Variants in CLIC5 observed in about 807,000 individuals in gnomAD.
CLIC5 encodes CLIC family member 5.
In CLIC5, 20 loss-of-function variants were observed where a neutral mutation model predicts 24.7. The ratio of observed to expected loss-of-function variants is 0.81; its 90% confidence interval spans 0.57 to 1.18. The LOEUF (loss-of-function observed/expected upper bound fraction) is 1.18, where lower values mean the gene tolerates loss of function less well. CLIC5 is among the 50% of genes most tolerant of loss of function. The probability of loss-of-function intolerance (pLI) is 0.00; values close to 1 mark genes in which losing one functional copy is unlikely to be tolerated. For synonymous variants in CLIC5, 159 were observed against 135.6 expected (o/e 1.17, Z -1.20); for missense variants, 341 against 326.1 (o/e 1.05, Z -0.35).
intron 2 of CLIC5, among the ~76,000 whole-genome samples, chr6:45,954,603 T>A (rs537449318): frequency 1.3e-5 from 2 of 152,300 alleles, no homozygotes; most frequent in South Asian, 4.1e-4. Context: ...GAAAAGAGTG[T>A]GGCTCCTGGT....
chr6:46,059,559 G>GA (rs1762177392), intron 1 of CLIC5, among the ~76,000 whole-genome samples: 1 of 152,160 alleles, frequency 6.6e-6, no homozygotes, highest in Non-Finnish European at 1.5e-5. Context: ...ACATTCGAGG[G>GA]AGCTCCCTCC....
intron 1 of CLIC5, among the ~76,000 whole-genome samples, chr6:45,957,571 A>T (rs4714895): frequency 3.3e-5 from 5 of 151,778 alleles, no homozygotes; most frequent in African/African-American, 7.3e-5. Context: ...TCCTCTGGTC[A>T]GTGTGCAATC....
intron 1 of CLIC5, among the ~76,000 whole-genome samples, chr6:45,983,882 T>C (rs1352498608): frequency 6.6e-6 from 1 of 152,136 alleles, no homozygotes; most frequent in Non-Finnish European, 1.5e-5. Context: ...TTACTTGACT[T>C]ATTTCTTTAT....
At chr6:46,006,107 T>C in intron 1 of CLIC5, among the ~76,000 whole-genome samples, 1 of 30,760 alleles carries the variant, frequency 3.3e-5, no homozygotes, top group African/African-American at 1.6e-4. Context: ...TATATATATA[T>C]ATATACACAT....
At chr6:46,067,415 C>T (rs796385831) in intron 1 of CLIC5, among the ~76,000 whole-genome samples, 13 of 152,278 alleles carry the variant, frequency 8.5e-5, no homozygotes, top group African/African-American at 2.6e-4. Flanking sequence ...TATTCTCTCC[C>T]GCAGGGTTGA....
exon 7 of CLIC5, chr6:45,881,028 GT>G (rs917406719): frequency 2.3e-5 from 9 of 389,916 alleles, no homozygotes; most frequent in East Asian, 7.3e-5. Context: ...AAACTCTTAG[GT>G]TTTTTTTTCT....
intron 4 of CLIC5, among the ~76,000 whole-genome samples, chr6:45,941,119 T>C (rs1034253413): frequency 6.6e-6 from 1 of 152,152 alleles, no homozygotes; most frequent in Non-Finnish European, 1.5e-5. Flanking sequence ...TGCCTCTCCC[T>C]TGGCCTCTGG....
At chr6:45,990,119 A>G (rs1404189293) in intron 1 of CLIC5, among the ~76,000 whole-genome samples, 1 of 152,162 alleles carries the variant, frequency 6.6e-6, no homozygotes, top group African/African-American at 2.4e-5. Flanking sequence ...GGTTGTTAGG[A>G]CAATTAAATT....
chr6:46,061,346 T>C lies in CLIC5; in HGVS notation c.540+18357A>G, dbSNP rs1178298463. 2.0e-5 allele frequency among the ~76,000 whole-genome samples: 3 copies of C among 152,132 alleles called. No individual in the cohort carries two copies. The East Asian group carries it at 5.8e-4, about 29-fold the overall frequency. On this transcript the variant is annotated intron_variant, in intron 1 of 5. Coordinates refer to the CLIC5 transcript ENST00000185206. ...CTGGGACTACAGGCATGCACCACCA[T>C]GCCTGGCTGATGTTTTTGTGTGTTT...
intron 4 of CLIC5, among the ~76,000 whole-genome samples, chr6:45,935,769 C>A (rs1763908015): frequency 1.3e-5 from 2 of 152,186 alleles, no homozygotes; most frequent in African/African-American, 2.4e-5. Flanking sequence ...CTCCATCAGA[C>A]TGAGCTCTCT....
intron 6 of CLIC5, among the ~76,000 whole-genome samples, chr6:45,889,313 G>A (rs1354937163): frequency 1.3e-5 from 2 of 152,018 alleles, no homozygotes; most frequent in African/African-American, 4.8e-5. Flanking sequence ...TTTTATAAGG[G>A]CATTAATCCT....
At chr6:45,941,524 C>T (rs1179025525) in intron 4 of CLIC5, 23 bp downstream of exon 4, 15 of 1,568,266 alleles carry the variant, frequency 9.6e-6, no homozygotes, top group Non-Finnish European at 1.3e-5. Flanking sequence ...GCCAAGGGTT[C>T]TTGGTGGAAG....
At chr6:45,964,644 A>T (rs1414559187) in intron 1 of CLIC5, among the ~76,000 whole-genome samples, 1 of 152,210 alleles carries the variant, frequency 6.6e-6, no homozygotes, top group East Asian at 1.9e-4. Context: ...CAGATGACAG[A>T]TTGCCTCAAC....
chr6:45,982,067 G>C (rs76276094), intron 1 of CLIC5, among the ~76,000 whole-genome samples: 1 of 152,084 alleles, frequency 6.6e-6, no homozygotes, highest in African/African-American at 2.4e-5. Context: ...TTTGATCTTG[G>C]AATGTTGGAA....
chr6:46,059,846 G>T (rs1762195153), intron 1 of CLIC5, among the ~76,000 whole-genome samples: 1 of 152,164 alleles, frequency 6.6e-6, no homozygotes, highest in Non-Finnish European at 1.5e-5. Flanking sequence ...ATAAGAACAG[G>T]ATTGCCTGAG....
At chr6:45,965,211 T>C (rs957919845) in intron 1 of CLIC5, among the ~76,000 whole-genome samples, 2 of 152,228 alleles carry the variant, frequency 1.3e-5, no homozygotes, top group Admixed American at 6.5e-5. Flanking sequence ...ATGCATTTAC[T>C]ATGAAGGGAG....
chr6:45,922,838 A>AGT (rs1763324110), intron 4 of CLIC5, among the ~76,000 whole-genome samples: 1 of 149,068 alleles, frequency 6.7e-6, no homozygotes, highest in African/African-American at 2.4e-5. Flanking sequence ...AGAGAGATAG[A>AGT]GAGAGAGAGA....
intron 1 of CLIC5, among the ~76,000 whole-genome samples, chr6:45,997,692 G>C (rs1410947006): frequency 6.6e-6 from 1 of 152,114 alleles, no homozygotes; most frequent in Non-Finnish European, 1.5e-5. Flanking sequence ...GGGCAAAAGT[G>C]CCCTTTATTG....
At chr6:45,942,539 G>A (rs553277801) in intron 3 of CLIC5, among the ~76,000 whole-genome samples, 30 of 152,266 alleles carry the variant, frequency 2.0e-4, no homozygotes, top group African/African-American at 4.1e-4. Context: ...GGAGACAGTC[G>A]CCAGGCTATC....
Sources: gnomAD v4.1 joint callset for allele counts (sites outside exome capture counted in the v4.1 genomes callset) on GRCh38, gnomAD v4.1.1 for gene constraint, MANE v1.5 for transcripts, NCBI Gene and HGNC (gene_info 2026-07-23, HGNC 2026-07-21) for gene names.